The following CCDC32 variants were observed in gnomAD, a reference collection of about 807,000 sequenced individuals.
CCDC32 encodes the protein coiled-coil domain containing 32.
A neutral mutation model predicts 20.1 loss-of-function variants in CCDC32; 9 were observed. That is an observed-to-expected ratio of 0.45 (90% CI 0.27 to 0.78). The LOEUF is 0.78. Ranked by LOEUF, CCDC32 falls within the 30% of genes least tolerant of loss-of-function variation. The pLI, the probability that CCDC32 is intolerant of heterozygous loss-of-function variation, is 0.16. For missense variants in CCDC32, 204 were observed against 215.5 expected (o/e 0.95, Z 0.33); for synonymous variants, 63 against 79.0 (o/e 0.80, Z 1.07).
rs561109192 is a variant in CCDC32 at position 40,545,065 on chromosome 15, A to T, written c.402-5710T>A. Among the ~76,000 whole-genome samples, 6 of 152,318 alleles carry T rather than the reference A, an allele frequency of 3.9e-5. No individual in the cohort carries two copies. The South Asian group carries it at 1.2e-3, about 32-fold the overall frequency. On this transcript the variant is annotated intron_variant, in intron 3 of 3. Coordinates refer to the CCDC32 transcript ENST00000558113. ...AAAGAAACCAACAACATGTCAGTTT[A>T]TCAATCCAAGAGTTTACCTTTGGGA... is the stretch of plus-strand genomic sequence containing the variant.
chr15:40,536,066 C>T (rs989994099), downstream of CCDC32: 2 of 152,302 alleles, frequency 1.3e-5, no homozygotes, highest in Non-Finnish European at 2.9e-5. Flanking sequence ...CTTCCCCAGT[C>T]TCAGGGTTGG....
chr15:40,539,999 T>C (rs1172785951), intron 3 of CCDC32, among the ~76,000 whole-genome samples: 1 of 152,108 alleles, frequency 6.6e-6, no homozygotes, highest in African/African-American at 2.4e-5. Context: ...GATTTTCAAA[T>C]TGCGGCAAAA....
At chr15:40,559,535 G>A (rs1417613055) in intron 2 of CCDC32, among the ~76,000 whole-genome samples, 1 of 152,048 alleles carries the variant, frequency 6.6e-6, no homozygotes, top group Non-Finnish European at 1.5e-5. Flanking sequence ...CATCCCCTAG[G>A]CCATGGCTGC....
In CCDC32 at chr15:40,553,797, T is replaced by A. The variant is rs538639372; in HGVS notation, c.*174A>T. On this transcript the variant is annotated 3_prime_UTR_variant, in exon 4 of 4. Transcript: ENST00000416810. ...AGGTAAGTCCCTGGGGGCTTGCAGC[T>A]GTTTTCTTTGTGGAGTGGAAATTTG... is the stretch of plus-strand genomic sequence containing the variant. The A allele has an allele frequency of 3.4e-5, 47 of 1,398,350 alleles. No individual in the cohort carries two copies. Among genetic ancestry groups the A allele is most frequent in the Non-Finnish European group, 4.4e-5 (47 of 1,077,544 alleles). The allele number at this position is 1,398,350 out of a possible 1,614,324, so 86.6% of individuals were successfully genotyped here. A position where few individuals can be genotyped will look rare whatever the true frequency, so the allele number is the denominator to read the frequency against.
downstream of CCDC32, chr15:40,532,140 C>T: frequency 5.6e-6 from 3 of 540,482 alleles, no homozygotes; most frequent in Admixed American, 3.4e-5. Flanking sequence ...TTTTTCTTCT[C>T]TAGTTTTCAG....
intron 2 of CCDC32, chr15:40,558,047 G>C (rs1332464798): frequency 2.0e-5 from 3 of 152,210 alleles, no homozygotes; most frequent in Non-Finnish European, 2.9e-5. Flanking sequence ...GCTTCTTGAT[G>C]ATAGAGGTTA....
At chr15:40,547,846 G>GT (rs1401502375) in intron 3 of CCDC32, among the ~76,000 whole-genome samples, 1 of 152,128 alleles carries the variant, frequency 6.6e-6, no homozygotes, top group African/African-American at 2.4e-5. Context: ...TTCCTGACCT[G>GT]TTCCCACTTT....
chr15:40,557,696 T>C (rs1175896729), intron 2 of CCDC32: 1 of 197,226 alleles, frequency 5.1e-6, no homozygotes, highest in African/African-American at 2.3e-5. Context: ...GAATGCTTGT[T>C]TTCCCTGGTT....
intron 3 of CCDC32, 43 bp downstream of exon 3, chr15:40,557,173 A>G (rs919481571): frequency 2.8e-5 from 44 of 1,571,868 alleles, no homozygotes; most frequent in Non-Finnish European, 3.5e-5. Flanking sequence ...GAACAACTAC[A>G]TAAAGGATGA....
downstream of CCDC32, chr15:40,553,098 A>C (rs758939754): frequency 5.0e-5 from 49 of 984,208 alleles, no homozygotes; most frequent in Non-Finnish European, 5.7e-5. Flanking sequence ...AGACACTGCT[A>C]TTCCGTTGAG....
downstream of CCDC32, among the ~76,000 whole-genome samples, chr15:40,551,677 G>A (rs185809983): frequency 7.5e-4 from 114 of 151,998 alleles, no homozygotes; most frequent in African/African-American, 2.6e-3. Context: ...GGGCATGGTG[G>A]TATGCACCTG....
At chr15:40,564,044 T>A (rs1482347525) in intron 1 of CCDC32, among the ~76,000 whole-genome samples, 1 of 152,122 alleles carries the variant, frequency 6.6e-6, no homozygotes, top group African/African-American at 2.4e-5. Flanking sequence ...GTGGTCTCGA[T>A]CTCCTGATCT....
At chr15:40,563,063 T>A in intron 1 of CCDC32, 36 bp from the exon 2 acceptor site, 1 of 1,598,968 alleles carries the variant, frequency 6.3e-7, no homozygotes, top group Non-Finnish European at 8.5e-7. Flanking sequence ...AAGAACTGGC[T>A]TTAAGAATAC....
intron 3 of CCDC32, among the ~76,000 whole-genome samples, chr15:40,543,964 T>A (rs1889509095): frequency 6.6e-6 from 1 of 152,226 alleles, no homozygotes. Flanking sequence ...AACTTTTTTT[T>A]AGCAGCACAT....
At chr15:40,543,333 G>T (rs751375327) in intron 3 of CCDC32, among the ~76,000 whole-genome samples, 1 of 152,104 alleles carries the variant, frequency 6.6e-6, no homozygotes, top group Non-Finnish European at 1.5e-5. Context: ...TCTGGAGGGC[G>T]GGCATGGAAA....
rs935018444 is a variant in CCDC32, at chr15:40,539,239, C to T, written c.518G>A (p.Trp173Ter). 2.0e-6 allele frequency: 3 copies of T among 1,535,374 alleles called. No homozygotes were observed. In the African/African-American group the frequency reaches 4.1e-5, roughly 21 times the overall value. ...CTGCCTGGCCCGCCCTGGCTGTTAC[C>T]ATGACGACTGCTGGGCTGGAAATGT... Residue 173 changes from tryptophan (W) to a stop codon, truncating the protein, a stop_gained, in exon 4 of 4, where the codon TGG (tryptophan) becomes TAG (stop). Transcript: ENST00000558113. LOFTEE classifies it high-confidence loss of function.
rs1382833102 is a variant in CCDC32, at chr15:40,553,542, A to G, written c.*429T>C. ...AATTCACCAAGGGAATGCTTGGGAC[A>G]CAAGCATGAATGTCCGGAAGAGGCA... On this transcript the variant is annotated 3_prime_UTR_variant, in exon 4 of 4. Coordinates refer to ENST00000416810, the MANE Select transcript of CCDC32 (RefSeq NM_001080792.4). 1.0e-6 allele frequency: 1 copy of G among 989,826 alleles called. No individual in the cohort carries two copies. Among genetic ancestry groups the G allele is most frequent in the Non-Finnish European group, 1.2e-6 (1 of 832,784 alleles). The allele number at this position is 989,826 out of a possible 1,614,324, so 61.3% of individuals were successfully genotyped here.
At chr15:40,554,217 C>G (rs948906715) in intron 3 of CCDC32, 90 bp from the exon 4 acceptor site, 3 of 1,492,364 alleles carry the variant, frequency 2.0e-6, no homozygotes, top group Non-Finnish European at 2.7e-6. Flanking sequence ...CACTACCTTC[C>G]CGCCCACCAG....
At chr15:40,557,617 G>T (rs991244843) in intron 2 of CCDC32, 1 of 372,982 alleles carries the variant, frequency 2.7e-6, no homozygotes, top group African/African-American at 2.1e-5. Flanking sequence ...AAAAGCCATA[G>T]GTTCTCATAA....
Sources: gnomAD v4.1 joint callset for allele counts (sites outside exome capture counted in the v4.1 genomes callset) on GRCh38, gnomAD v4.1.1 for gene constraint, MANE v1.5 for transcripts, NCBI Gene and HGNC (gene_info 2026-07-23, HGNC 2026-07-21) for gene names.